Variants in GRK5 observed in about 807,000 individuals in gnomAD.
The protein encoded by GRK5 is G protein-coupled receptor kinase 5.
Under a neutral mutation model 78.4 loss-of-function variants are expected in GRK5, and 40 were observed. The observed-to-expected ratio is 0.51, with a 90% CI of 0.40 to 0.66. The LOEUF is 0.66. Among genes scored for constraint, GRK5 ranks in the 30% least tolerant of loss-of-function variants. The pLI, the probability that GRK5 is intolerant of heterozygous loss-of-function variation, is 0.00. For missense variants in GRK5, 598 were observed against 759.9 expected (o/e 0.79, Z 2.50); for synonymous variants, 289 against 296.8 (o/e 0.97, Z 0.27).
chr10:119,394,210 G>GTC, intron 3 of GRK5, among the ~76,000 whole-genome samples: 1 of 143,636 alleles, frequency 7.0e-6, no homozygotes, highest in Non-Finnish European at 1.5e-5. Flanking sequence ...GTGTATCTGT[G>GTC]TGTGGGTACG....
chr10:119,341,205 C>T lies in GRK5; in HGVS notation c.148+14594C>T, dbSNP rs76644600. On this transcript the variant is annotated intron_variant, in intron 2 of 15. Transcript: ENST00000392870. ...GTGTCAGCTCCTTGCTCCCTCCAGG[C>T]GCACCTACTTCCAACCAAGCTCCAT... is the stretch of plus-strand genomic sequence containing the variant. Among the ~76,000 whole-genome samples, 420 of 152,290 alleles carry T rather than the reference C, an allele frequency of 2.8e-3. 5 individuals are homozygous for T. Among genetic ancestry groups the T allele is most frequent in the African/African-American group, 9.3e-3 (388 of 41,570 alleles).
intron 1 of GRK5, among the ~76,000 whole-genome samples, chr10:119,261,869 G>A (rs933002760): frequency 7.9e-5 from 12 of 152,160 alleles, no homozygotes; most frequent in Non-Finnish European, 1.6e-4. Context: ...GCTTCGGCTC[G>A]GCATGAGAGG....
intron 1 of GRK5, among the ~76,000 whole-genome samples, chr10:119,297,393 G>C (rs1289476298): frequency 6.6e-6 from 1 of 152,110 alleles, no homozygotes; most frequent in African/African-American, 2.4e-5. Flanking sequence ...CCTGCAGATG[G>C]GTGAAGAGTC....
At chr10:119,343,685 G>C (rs1057134377) in intron 2 of GRK5, among the ~76,000 whole-genome samples, 2 of 152,240 alleles carry the variant, frequency 1.3e-5, no homozygotes, top group African/African-American at 4.8e-5. Flanking sequence ...GGTCAGGGGA[G>C]GCTGGGTTGG....
At chr10:119,285,046 G>A (rs892932433) in intron 1 of GRK5, among the ~76,000 whole-genome samples, 2 of 152,196 alleles carry the variant, frequency 1.3e-5, no homozygotes, top group African/African-American at 4.8e-5. Context: ...CCTCATGAAA[G>A]GTTATGAGGT....
At chr10:119,293,214 T>C (rs890231444) in intron 1 of GRK5, among the ~76,000 whole-genome samples, 2 of 152,206 alleles carry the variant, frequency 1.3e-5, no homozygotes, top group African/African-American at 2.4e-5. Flanking sequence ...TTATCTCCCA[T>C]TTAACAGACA....
At chr10:119,261,089 T>G (rs1275566002) in intron 1 of GRK5, among the ~76,000 whole-genome samples, 1 of 84,184 alleles carries the variant, frequency 1.2e-5, no homozygotes, top group African/African-American at 4.2e-5. Flanking sequence ...GAGACGCTCC[T>G]CACTTCCCAG....
At chr10:119,454,378 G>A (rs1756700019) in intron 15 of GRK5, among the ~76,000 whole-genome samples, 1 of 152,168 alleles carries the variant, frequency 6.6e-6, no homozygotes, top group Admixed American at 6.5e-5. Context: ...CCATTGCCTA[G>A]AGCCACGGGT....
intron 1 of GRK5, among the ~76,000 whole-genome samples, chr10:119,214,091 C>A (rs1019264257): frequency 5.9e-5 from 9 of 152,248 alleles, no homozygotes; most frequent in African/African-American, 1.4e-4. Context: ...TCTCCTGCCT[C>A]AGCCTCCTGA....
chr10:119,331,357 G>A lies in GRK5; in HGVS notation c.148+4746G>A, dbSNP rs555289929. The stretch of plus-strand genomic sequence containing the variant: ...GACGTGAGCCGTGGGGCTGCAGCTC[G>A]TGGCCACGGGGCCAGGGTCTGGGCC... On this transcript the variant is annotated intron_variant, in intron 2 of 15. Coordinates refer to ENST00000392870, the MANE Select transcript of GRK5 (RefSeq NM_005308.3). Among the ~76,000 whole-genome samples the A allele has an allele frequency of 1.9e-4, 29 of 152,388 alleles. No individual in the cohort carries two copies. The East Asian group carries it at 3.1e-3, about 16-fold the overall frequency.
At chr10:119,423,303 C>CA in intron 5 of GRK5, 37 bp downstream of exon 5, 1 of 1,470,692 alleles carries the variant, frequency 6.8e-7, no homozygotes, top group Non-Finnish European at 9.5e-7. Context: ...CCTCCCCGGG[C>CA]TGCCCAGAGA....
At chr10:119,387,954 A>T (rs1041290033) in intron 3 of GRK5, among the ~76,000 whole-genome samples, 7 of 150,154 alleles carry the variant, frequency 4.7e-5, no homozygotes, top group Non-Finnish European at 7.4e-5. Context: ...AATAAAGAAG[A>T]TTTTTTTTTT....
chr10:119,218,899 C>CT (rs59377653), intron 1 of GRK5, among the ~76,000 whole-genome samples: 3,819 of 142,234 alleles, frequency 0.027, 127 homozygotes, highest in African/African-American at 0.083. Context: ...AAATCTGAAA[C>CT]TTTTTTTTTT....
At chr10:119,249,638 C>T (rs1849169174) in intron 1 of GRK5, among the ~76,000 whole-genome samples, 1 of 152,164 alleles carries the variant, frequency 6.6e-6, no homozygotes, top group South Asian at 2.1e-4. Context: ...GCTGGGACTA[C>T]AGGTGCGCTC....
At chr10:119,246,938 C>T (rs922060125) in intron 1 of GRK5, among the ~76,000 whole-genome samples, 5 of 152,174 alleles carry the variant, frequency 3.3e-5, no homozygotes, top group Non-Finnish European at 7.4e-5. Context: ...TTTTAACTGG[C>T]ACAGAGGGCC....
intron 1 of GRK5, among the ~76,000 whole-genome samples, chr10:119,324,763 G>A (rs1850645620): frequency 6.6e-6 from 1 of 152,276 alleles, no homozygotes. Flanking sequence ...TGAAATGTGT[G>A]TGCACTTGTG....
intron 1 of GRK5, among the ~76,000 whole-genome samples, chr10:119,232,124 T>C (rs1848841050): frequency 6.6e-6 from 1 of 152,242 alleles, no homozygotes; most frequent in Admixed American, 6.5e-5. Flanking sequence ...ATGTGGCATA[T>C]ATACACAACG....
chr10:119,420,874 T>A (rs1369638188), intron 4 of GRK5, among the ~76,000 whole-genome samples: 1 of 152,140 alleles, frequency 6.6e-6, no homozygotes, highest in Admixed American at 6.5e-5. Flanking sequence ...AGCCACTGAG[T>A]CCTGCCTGGC....
chr10:119,307,758 C>T (rs901886771), intron 1 of GRK5, among the ~76,000 whole-genome samples: 4 of 72,860 alleles, frequency 5.5e-5, no homozygotes, highest in African/African-American at 1.2e-4. Flanking sequence ...ATGCTCTACT[C>T]TGGTCTCCTG....
Sources: gnomAD v4.1 joint callset for allele counts (sites outside exome capture counted in the v4.1 genomes callset) on GRCh38, gnomAD v4.1.1 for gene constraint, MANE v1.5 for transcripts, NCBI Gene and HGNC (gene_info 2026-07-23, HGNC 2026-07-21) for gene names.